PVT1: variants seen among roughly 807,000 people sequenced by gnomAD.
The protein encoded by PVT1 is Pvt1 oncogene.
At chr8:127,957,191 C>A (rs1264436374) in intron 3 of PVT1, among the ~76,000 whole-genome samples, 3 of 152,180 alleles carry the variant, frequency 2.0e-5, no homozygotes, top group Non-Finnish European at 4.4e-5. Flanking sequence ...AGGATCCACA[C>A]TCTGCTCCCG....
At chr8:127,953,573 G>A (rs1201173928) in intron 3 of PVT1, among the ~76,000 whole-genome samples, 2 of 152,156 alleles carry the variant, frequency 1.3e-5, no homozygotes, top group Non-Finnish European at 2.9e-5. Flanking sequence ...GGTAGCAACA[G>A]CACTATCCAC....
At chr8:127,802,421 G>T (rs1814475334) in intron 2 of PVT1, among the ~76,000 whole-genome samples, 1 of 152,062 alleles carries the variant, frequency 6.6e-6, no homozygotes, top group African/African-American at 2.4e-5. Flanking sequence ...TCCCTGTGTT[G>T]CCCAGGCTGG....
intron 4 of PVT1, among the ~76,000 whole-genome samples, chr8:128,042,944 A>G (rs1441776879): frequency 6.6e-6 from 1 of 151,654 alleles, no homozygotes; most frequent in Non-Finnish European, 1.5e-5. Context: ...TTGTATTTTT[A>G]GTAGAGACAG....
intron 3 of PVT1, among the ~76,000 whole-genome samples, chr8:127,916,293 GA>G (rs1224846102): frequency 6.6e-6 from 1 of 152,204 alleles, no homozygotes; most frequent in Non-Finnish European, 1.5e-5. Context: ...GTTATTGTTA[GA>G]TGTTCTCTCC....
intron 5 of PVT1, among the ~76,000 whole-genome samples, chr8:128,089,021 T>A (rs145253396): frequency 8.5e-5 from 13 of 152,264 alleles, no homozygotes; most frequent in African/African-American, 3.1e-4. Context: ...GGCCAAGAAC[T>A]CTAAACAGAT....
intron 2 of PVT1, among the ~76,000 whole-genome samples, chr8:127,831,145 C>A (rs1814845803): frequency 1.4e-5 from 2 of 144,384 alleles, no homozygotes; most frequent in South Asian, 2.2e-4. Flanking sequence ...ATCTATCTCT[C>A]TCTCTCTCTC....
At chr8:127,914,789 GCTTA>G (rs555867875) in intron 3 of PVT1, among the ~76,000 whole-genome samples, 1 of 150,260 alleles carries the variant, frequency 6.7e-6, no homozygotes, top group Non-Finnish European at 1.5e-5. Flanking sequence ...GGGAGTAGCT[GCTTA>G]ATGGGTACAA....
intron 2 of PVT1, among the ~76,000 whole-genome samples, chr8:127,802,402 G>A (rs956538794): frequency 1.3e-5 from 2 of 151,746 alleles, no homozygotes; most frequent in African/African-American, 4.8e-5. Context: ...TTTTGGTAAA[G>A]CTGGGGTCTC....
At chr8:127,905,346 G>A (rs970044648) in intron 3 of PVT1, among the ~76,000 whole-genome samples, 9 of 152,190 alleles carry the variant, frequency 5.9e-5, no homozygotes, top group Admixed American at 3.3e-4. Flanking sequence ...GGCACAGATT[G>A]GTTACAGGGA....
chr8:127,860,112 A>T (rs775012412), intron 2 of PVT1, among the ~76,000 whole-genome samples: 11 of 152,164 alleles, frequency 7.2e-5, no homozygotes, highest in Non-Finnish European at 1.5e-4. Flanking sequence ...GCCTCTGGGC[A>T]GGGCCACTTC....
chr8:127,942,237 G>T (rs117423088), intron 3 of PVT1, among the ~76,000 whole-genome samples: 53 of 152,278 alleles, frequency 3.5e-4, no homozygotes, highest in African/African-American at 1.3e-3. Flanking sequence ...GAATTTCCAC[G>T]GCTTGCCTAG....
intron 4 of PVT1, among the ~76,000 whole-genome samples, chr8:128,056,415 C>T (rs559193807): frequency 6.1e-4 from 93 of 152,280 alleles, no homozygotes; most frequent in African/African-American, 2.1e-3. Flanking sequence ...GTATATATTT[C>T]TATATACAAT....
chr8:128,094,388 T>C (rs1814400312), intron 5 of PVT1, among the ~76,000 whole-genome samples: 1 of 150,586 alleles, frequency 6.6e-6, no homozygotes, highest in African/African-American at 2.5e-5. Context: ...ATTCTATCAT[T>C]AGCACTTGTA....
chr8:128,044,015 ATT>A lies in PVT1; in HGVS notation n.913-26131_913-26130del, dbSNP rs763124076. On this transcript the variant is annotated intron_variant and non_coding_transcript_variant, in intron 4 of 10. Coordinates refer to ENST00000651587, the Ensembl canonical transcript of PVT1. Reference sequence around the variant, plus strand: ...TTAATTTTTTTATTATTATTTATTTATTTTTTTTTTTTTTTGTAGAGAAGGGG... The same window carrying A: ...TTAATTTTTTTATTATTATTTATTTATTTTTTTTTTTTTGTAGAGAAGGGG... Among the ~76,000 whole-genome samples, 364 of 127,372 alleles carry A rather than the reference ATT, an allele frequency of 2.9e-3. 1 individual carries two copies. Among genetic ancestry groups the A allele is most frequent in the Middle Eastern group, 0.015 (4 of 274 alleles). 83.6% of individuals were successfully genotyped at this position (127,372 alleles called of 152,430 possible). A position where few individuals can be genotyped will look rare whatever the true frequency, so the allele number is the denominator to read the frequency against.
chr8:128,085,846 A>G (rs1814249428), intron 5 of PVT1, among the ~76,000 whole-genome samples: 1 of 152,192 alleles, frequency 6.6e-6, no homozygotes, highest in Non-Finnish European at 1.5e-5. Context: ...CCAGGCAAAA[A>G]ACGAGATCCC....
intron 3 of PVT1, among the ~76,000 whole-genome samples, chr8:127,899,172 A>G (rs1225254863): frequency 6.6e-6 from 1 of 152,238 alleles, no homozygotes; most frequent in Admixed American, 6.5e-5. Flanking sequence ...TGATGGAGAA[A>G]TGCTCTGGGG....
At chr8:127,912,952 C>T (rs1815924903) in intron 3 of PVT1, among the ~76,000 whole-genome samples, 1 of 152,282 alleles carries the variant, frequency 6.6e-6, no homozygotes, top group Non-Finnish European at 1.5e-5. Flanking sequence ...CCTGCCTTCA[C>T]CTCCCAAAGT....
At chr8:128,097,456 C>T (rs1018669199) in intron 6 of PVT1, among the ~76,000 whole-genome samples, 1 of 152,148 alleles carries the variant, frequency 6.6e-6, no homozygotes. Context: ...ATTTTTATGT[C>T]ACTAAAGGGT....
intron 3 of PVT1, chr8:127,984,150 A>G (rs1586467005): frequency 6.6e-6 from 1 of 152,110 alleles, no homozygotes; most frequent in South Asian, 2.1e-4. Context: ...ACGTGCTGGG[A>G]TTACAGGCGA....
Sources: gnomAD v4.1 joint callset for allele counts (sites outside exome capture counted in the v4.1 genomes callset) on GRCh38, gnomAD v4.1.1 for gene constraint, MANE v1.5 for transcripts, NCBI Gene and HGNC (gene_info 2026-07-23, HGNC 2026-07-21) for gene names.